CPS1: variants seen among roughly 807,000 people sequenced by gnomAD.
CPS1 encodes the protein carbamoyl-phosphate synthase [ammonia], mitochondrial.
Under a neutral mutation model 174.6 loss-of-function variants are expected in CPS1, and 109 were observed. That is an observed-to-expected ratio of 0.62 (90% CI 0.53 to 0.73). The LOEUF is 0.73. Ranked by LOEUF, CPS1 falls within the 30% of genes least tolerant of loss-of-function variation. The probability of loss-of-function intolerance (pLI) is 0.00; values close to 1 mark genes in which losing one functional copy is unlikely to be tolerated. For missense variants in CPS1, 1,689 were observed against 1,821.9 expected (o/e 0.93, Z 1.33); for synonymous variants, 637 against 632.0 (o/e 1.01, Z -0.12).
chr2:210,647,710 G>A (rs1700423657), intron 25 of CPS1, among the ~76,000 whole-genome samples, 153 bp from the exon 26 acceptor site: 1 of 152,174 alleles, frequency 6.6e-6, no homozygotes, highest in African/African-American at 2.4e-5. Context: ...TAAAAATTTT[G>A]TGGCATCATT....
chr2:210,554,182 T>TAC (rs1181491591), upstream of CPS1, among the ~76,000 whole-genome samples: 4 of 109,468 alleles, frequency 3.7e-5, no homozygotes, highest in Non-Finnish European at 7.6e-5. Flanking sequence ...TATGTATATA[T>TAC]ACACACACAC....
At chr2:210,543,527 C>T (rs1696486380) in intron 1 of CPS1, among the ~76,000 whole-genome samples, 1 of 152,080 alleles carries the variant, frequency 6.6e-6, no homozygotes, top group South Asian at 2.1e-4. Context: ...ATTCACATCT[C>T]AGTTTCCTCG....
chr2:210,515,549 G>A (rs2105981442), intron 1 of CPS1, among the ~76,000 whole-genome samples: 1 of 151,628 alleles, frequency 6.6e-6, no homozygotes, highest in South Asian at 2.1e-4. Context: ...TGGTGCTAAT[G>A]TCACTTTTGT....
Position 210,592,885 on chromosome 2 carries a change from A to G in CPS1, c.1093A>G (p.Met365Val). Residue 365 changes from methionine (M) to valine (V), a missense_variant, in exon 11 of 38, where the codon ATG (methionine) becomes GTG (valine). By Grantham distance (21) the Met-to-Val change is conservative (BLOSUM62 1). Coordinates refer to ENST00000233072, the MANE Select transcript of CPS1 (RefSeq NM_001875.5). ...CTGTTTCTTATTCCTTTAGGGGATT[A>G]TGCATGAGAGCAAACCCTTCTTCGC... ...NVNDQTNEGIMHESKPFFAVQ... is the reference protein window; with the variant it reads ...NVNDQTNEGIVHESKPFFAVQ... 1.2e-6 allele frequency: 2 copies of G among 1,612,198 alleles called. No individual in the cohort carries two copies. Among genetic ancestry groups the G allele is most frequent in the Middle Eastern group, 1.7e-4 (1 of 6,050 alleles).
chr2:210,530,200 T>A (rs1005212164), intron 1 of CPS1, among the ~76,000 whole-genome samples: 7 of 152,150 alleles, frequency 4.6e-5, no homozygotes, highest in Admixed American at 3.3e-4. Flanking sequence ...ACAAATGGCT[T>A]GTTCTATTGT....
chr2:210,571,905 G>A (rs911071110), intron 1 of CPS1, among the ~76,000 whole-genome samples: 1 of 114,504 alleles, frequency 8.7e-6, no homozygotes, highest in African/African-American at 3.3e-5. Flanking sequence ...GTGTGTGTGT[G>A]TGTGTATGTG....
upstream of CPS1, among the ~76,000 whole-genome samples, chr2:210,553,456 T>C (rs1290476787): frequency 1.3e-5 from 2 of 151,878 alleles, no homozygotes; most frequent in Non-Finnish European, 2.9e-5. Context: ...TTTTTTAAAA[T>C]GTATTAATAG....
At chr2:210,590,279 G>A in intron 8 of CPS1, 45 bp downstream of exon 8, 1 of 1,611,370 alleles carries the variant, frequency 6.2e-7, no homozygotes, top group African/African-American at 1.3e-5. Flanking sequence ...GGGAGGTGGG[G>A]GCTTCCGCTC....
rs976040223 is a variant in CPS1, at chr2:210,556,840, T to C, written c.107T>C (p.Ile36Thr). Residue 36 changes from isoleucine to threonine, a missense_variant, in exon 1 of 38, where the codon ATC (isoleucine) becomes ACC (threonine). Coordinates refer to ENST00000233072, the MANE Select transcript of CPS1 (RefSeq NM_001875.5). Reference protein sequence around the residue: ...HQKWKFSRPGIRLLSVKAQTA... With the variant: ...HQKWKFSRPGTRLLSVKAQTA... ...AAATGGAAATTTTCAAGACCTGGCATCAGGCTCCTTTCTGTCAAGGTAATA... is the reference window on the plus strand; with the variant it reads ...AAATGGAAATTTTCAAGACCTGGCACCAGGCTCCTTTCTGTCAAGGTAATA... 2 of 1,612,946 alleles carry C rather than the reference T, an allele frequency of 1.2e-6. No individual in the cohort carries two copies. The highest frequency in any genetic ancestry group is 2.7e-5 in the African/African-American group (2 of 74,860).
rs1698623761 is a variant in CPS1, at chr2:210,599,384, A to G, written c.1372A>G (p.Lys458Glu). 9 of 1,612,288 alleles carry G rather than the reference A, an allele frequency of 5.6e-6. No homozygotes were observed. Among genetic ancestry groups the G allele is most frequent in the Non-Finnish European group, 5.9e-6 (7 of 1,178,872 alleles). Reference protein sequence around the residue: ...AVKAMKEENVKTVLMNPNIAS... With the variant: ...AVKAMKEENVETVLMNPNIAS... ...TTGTTTCTTTCAGGAAGAAAATGTCAAAACTGTTCTGATGAACCCAAACAT... is the reference window on the plus strand; with the variant it reads ...TTGTTTCTTTCAGGAAGAAAATGTCGAAACTGTTCTGATGAACCCAAACAT... Residue 458 changes from lysine to glutamate, a missense_variant, in exon 14 of 38, where the codon AAA (lysine) becomes GAA (glutamate). Transcript: ENST00000233072.
At chr2:210,574,077 C>T (rs1322716189) in intron 2 of CPS1, among the ~76,000 whole-genome samples, 2 of 152,018 alleles carry the variant, frequency 1.3e-5, no homozygotes, top group Admixed American at 6.6e-5. Flanking sequence ...AATGTTTGTT[C>T]ACCTGGGAAT....
chr2:210,509,007 G>T (rs950491125), intron 1 of CPS1, among the ~76,000 whole-genome samples: 74 of 152,052 alleles, frequency 4.9e-4, no homozygotes, highest in Non-Finnish European at 8.2e-4. Context: ...AGAAAAAGAG[G>T]GAATCCTCCC....
intron 13 of CPS1, among the ~76,000 whole-genome samples, chr2:210,596,831 T>C (rs1196537562): frequency 6.6e-6 from 1 of 151,892 alleles, no homozygotes; most frequent in Non-Finnish European, 1.5e-5. Context: ...TAATGTGTTT[T>C]ACATCAATTG....
Position 210,678,724 on chromosome 2 carries a change from T to G in CPS1, c.*739T>G, listed in dbSNP as rs886055560. On this transcript the variant is annotated 3_prime_UTR_variant, in exon 38 of 38. Coordinates refer to ENST00000233072, the MANE Select transcript of CPS1 (RefSeq NM_001875.5). ...TCTCCTGCTTTAGACTATGGATTTCTTTAAGGAATACTGGTTTGCAGTTTT... is the reference window on the plus strand; with the variant it reads ...TCTCCTGCTTTAGACTATGGATTTCGTTAAGGAATACTGGTTTGCAGTTTT... 1 of 152,494 alleles carries G rather than the reference T, an allele frequency of 6.6e-6. No individual in the cohort carries two copies. The highest frequency in any genetic ancestry group is 1.5e-5 in the Non-Finnish European group (1 of 68,304). The allele number at this position is 152,494 out of a possible 1,614,324, so 9.4% of individuals were successfully genotyped here. A position where few individuals can be genotyped will look rare whatever the true frequency, so the allele number is the denominator to read the frequency against.
intron 1 of CPS1, among the ~76,000 whole-genome samples, chr2:210,546,432 C>T (rs1178309054): frequency 6.6e-6 from 1 of 152,050 alleles, no homozygotes; most frequent in Non-Finnish European, 1.5e-5. Context: ...TTAATGATTT[C>T]AACCAGGAAG....
Position 210,677,236 on chromosome 2 carries a change from T to C in CPS1, c.4404+100T>C, listed in dbSNP as rs1701565233. 3 of 1,230,004 alleles carry C rather than the reference T, an allele frequency of 2.4e-6. No individual in the cohort carries two copies. The Admixed American group carries it at 5.3e-5, about 22-fold the overall frequency. The allele number at this position is 1,230,004 out of a possible 1,614,324, so 76.2% of individuals were successfully genotyped here. ...ATGCACATCTCTCTTTTCCCCTCTTTGTAACTTTCAGAATAGAGAGGAATT... is the reference window on the plus strand; with the variant it reads ...ATGCACATCTCTCTTTTCCCCTCTTCGTAACTTTCAGAATAGAGAGGAATT... On this transcript the variant is annotated intron_variant, in intron 37 of 37. Transcript: ENST00000233072.
At chr2:210,592,055 T>C (rs1698322425) in intron 10 of CPS1, 86 bp downstream of exon 10, 1 of 1,432,450 alleles carries the variant, frequency 7.0e-7, no homozygotes, top group Non-Finnish European at 9.5e-7. Flanking sequence ...TTGTATATAT[T>C]TATGAGATAC....
intron 30 of CPS1, chr2:210,658,223 C>T: frequency 3.4e-6 from 1 of 291,094 alleles, no homozygotes; most frequent in South Asian, 3.5e-5. Context: ...CTGTACCTCC[C>T]AGCAGGTAGG....
At chr2:210,550,554 G>A (rs1696701650) in intron 1 of CPS1, among the ~76,000 whole-genome samples, 1 of 151,952 alleles carries the variant, frequency 6.6e-6, no homozygotes, top group Admixed American at 6.6e-5. Flanking sequence ...TAGCAAGGAA[G>A]GCATACCAAT....
Sources: allele counts gnomAD v4.1 joint callset (sites outside exome capture counted in the v4.1 genomes callset), GRCh38; gene constraint gnomAD v4.1.1; transcripts MANE v1.5; gene names NCBI Gene and HGNC (gene_info 2026-07-23, HGNC 2026-07-21).